Variants in TRAT1 observed in about 807,000 individuals in gnomAD.
TRAT1 encodes the protein T-cell receptor-associated transmembrane adapter 1.
In TRAT1, 20 loss-of-function variants were observed where a neutral mutation model predicts 20.0. The ratio of observed to expected loss-of-function variants is 1.00; its 90% CI spans 0.70 to 1.45. TRAT1 has a LOEUF of 1.45. TRAT1 is among the 40% of genes most tolerant of loss of function. The pLI is 0.00. For missense variants in TRAT1, 237 were observed against 224.1 expected, an observed-to-expected ratio of 1.06 and a Z score of -0.37; for synonymous variants, 77 against 74.2, an observed-to-expected ratio of 1.04 and a Z score of -0.20.
At chr3:108,845,205 G>A (rs890424078) in intron 3 of TRAT1, among the ~76,000 whole-genome samples, 1 of 152,120 alleles carries the variant, frequency 6.6e-6, no homozygotes, top group East Asian at 1.9e-4. Flanking sequence ...TTGTTTGTTA[G>A]GCAATTGCTC....
intron 5 of TRAT1, among the ~76,000 whole-genome samples, chr3:108,851,981 G>A (rs1439316668): frequency 6.6e-6 from 1 of 152,162 alleles, no homozygotes; most frequent in Non-Finnish European, 1.5e-5. Context: ...TATGGCAGTG[G>A]GAAGAAACTA....
intron 3 of TRAT1, among the ~76,000 whole-genome samples, chr3:108,841,968 C>T (rs539779283): frequency 6.6e-6 from 1 of 152,212 alleles, no homozygotes; most frequent in South Asian, 2.1e-4. Context: ...TTGGTTTTAT[C>T]ATATGAAGAA....
At chr3:108,846,415 T>C (rs1559824639) in intron 3 of TRAT1, among the ~76,000 whole-genome samples, 2 of 152,214 alleles carry the variant, frequency 1.3e-5, no homozygotes, top group Non-Finnish European at 2.9e-5. Context: ...AGAATACTAC[T>C]ACTTTTGGAG....
intron 3 of TRAT1, among the ~76,000 whole-genome samples, 196 bp from the exon 4 acceptor site, chr3:108,846,872 C>G (rs1945948843): frequency 6.6e-6 from 1 of 152,170 alleles, no homozygotes; most frequent in Non-Finnish European, 1.5e-5. Context: ...TTTTTAAATT[C>G]ACACGGAACA....
At chr3:108,839,163 G>A in intron 3 of TRAT1, 196 bp downstream of exon 3, 1 of 539,076 alleles carries the variant, frequency 1.9e-6, no homozygotes, top group Non-Finnish European at 3.3e-6. Flanking sequence ...TTTGCACACT[G>A]TGAGTCAACA....
chr3:108,823,147 C>T (rs2121760), intron 1 of TRAT1, among the ~76,000 whole-genome samples: 150,020 of 152,314 alleles, frequency 0.98, 73,916 homozygotes, highest in Middle Eastern at 1. Context: ...CATTTTAGAA[C>T]GTAAATCTAA....
At chr3:108,839,197 T>G (rs115606157) in intron 3 of TRAT1, 5,476 of 527,212 alleles carry the variant, frequency 0.01, 198 homozygotes, top group African/African-American at 0.084. Context: ...AAGGATAAAA[T>G]GAGATTCTAA....
chr3:108,853,748 T>C lies in TRAT1; in HGVS notation c.432T>C (p.Asp144=), dbSNP rs61756222. Residue 144 remains aspartate (D), a synonymous_variant, in exon 6 of 6, where the codon GAT becomes GAC. Coordinates refer to ENST00000295756, the MANE Select transcript of TRAT1 (RefSeq NM_016388.4). The part of the protein sequence containing the change: ...KDGDEQLHAI[D]ASVSKTTLVD... ...GAGATGAGCAACTACATGCAATAGA[T>C]GCCAGCGTTTCTAAGACCACCTTAG... 3,223 of 1,614,162 alleles carry C rather than the reference T, an allele frequency of 2.0e-3. 6 individuals carry two copies. The highest frequency in any genetic ancestry group is 3.3e-3 in the Admixed American group (200 of 60,008).
chr3:108,829,131 C>T (rs1198957829), intron 1 of TRAT1, among the ~76,000 whole-genome samples: 1 of 152,200 alleles, frequency 6.6e-6, no homozygotes, highest in Non-Finnish European at 1.5e-5. Context: ...TAAATGATTA[C>T]TGCATCCATT....
In TRAT1 at chr3:108,847,913, A is replaced by G. The variant is rs984963362; in HGVS notation, c.214+784A>G. 3.1e-4 allele frequency among the ~76,000 whole-genome samples: 47 copies of G among 152,238 alleles called. 1 individual carries two copies. Among genetic ancestry groups the G allele is most frequent in the Admixed American group, 1.0e-3 (16 of 15,282 alleles). On this transcript the variant is annotated intron_variant, in intron 4 of 5. Coordinates refer to ENST00000295756, the MANE Select transcript of TRAT1 (RefSeq NM_016388.4). ...CTAAAAATCTATATATTAAAACAGT[A>G]TGGAATCATCTTAAAGTTAGAAATG...
chr3:108,853,738 A>G lies in TRAT1; in HGVS notation c.422A>G (p.His141Arg). The change falls in exon 6 of 6, where the codon CAT (histidine) becomes CGT (arginine). Residue 141 changes from histidine to arginine, a missense_variant. By Grantham distance (29) the His-to-Arg change is conservative. Transcript: ENST00000295756. ...FSDKDGDEQL[H>R]AIDASVSKTT... ...GACAAGGATGGAGATGAGCAACTAC[A>G]TGCAATAGATGCCAGCGTTTCTAAG... The G allele has an allele frequency of 6.2e-7, 1 of 1,614,172 alleles. No homozygotes were observed. Among genetic ancestry groups the G allele is most frequent in the East Asian group, 2.2e-5 (1 of 44,880 alleles).
At position 108,822,862 on chromosome 3, in the gene TRAT1, TAGG is replaced by T; in HGVS notation, c.-61_-59del. 1 of 1,476,782 alleles carries T rather than the reference TAGG, an allele frequency of 6.8e-7. No individual in the cohort carries two copies. Among genetic ancestry groups the T allele is most frequent in the Non-Finnish European group, 9.4e-7 (1 of 1,060,978 alleles). 91.5% of individuals were successfully genotyped at this position (1,476,782 alleles called of 1,614,324 possible). The stretch of plus-strand genomic sequence containing the variant: ...CAACATCACCTAGGAAAAAAGTTTG[TAGG>T]AGGATTTTTAATCCATATATTTGTC... On this transcript the variant is annotated 5_prime_UTR_variant, in exon 1 of 6. Coordinates refer to ENST00000295756, the MANE Select transcript of TRAT1 (RefSeq NM_016388.4).
chr3:108,829,401 T>C (rs911518242), intron 1 of TRAT1, among the ~76,000 whole-genome samples: 4 of 152,050 alleles, frequency 2.6e-5, no homozygotes, highest in African/African-American at 9.7e-5. Flanking sequence ...CTGGCCAGCA[T>C]GGTGAAACCC....
At chr3:108,827,787 TAA>T (rs1945754965) in intron 1 of TRAT1, among the ~76,000 whole-genome samples, 1 of 152,128 alleles carries the variant, frequency 6.6e-6, no homozygotes, top group Non-Finnish European at 1.5e-5. Context: ...AAATTTACTC[TAA>T]CAGTAAACGA....
intron 2 of TRAT1, among the ~76,000 whole-genome samples, chr3:108,837,260 G>A (rs1223952159): frequency 6.6e-6 from 1 of 152,136 alleles, no homozygotes; most frequent in East Asian, 1.9e-4. Context: ...TGGACTAGAA[G>A]TATGTTTCTG....
chr3:108,844,720 T>G (rs1025000918), intron 3 of TRAT1, among the ~76,000 whole-genome samples: 1 of 150,708 alleles, frequency 6.6e-6, no homozygotes, highest in Non-Finnish European at 1.5e-5. Flanking sequence ...GGCGGGCGCC[T>G]GTAGTCCCAG....
chr3:108,835,895 GTATTTATTTATTTATT>G (rs67112821), intron 2 of TRAT1, among the ~76,000 whole-genome samples: 116,478 of 149,922 alleles, frequency 0.78, 46,625 homozygotes, highest in East Asian at 1. Context: ...TTGTTTGTTT[GTATTTATTTATTTATT>G]TATTTATTTA....
intron 2 of TRAT1, among the ~76,000 whole-genome samples, chr3:108,834,822 T>G (rs1362252904): frequency 6.6e-6 from 1 of 152,236 alleles, no homozygotes; most frequent in South Asian, 2.1e-4. Context: ...ATAGACCAGA[T>G]AAGCCTCCCC....
At chr3:108,852,757 A>G (rs911097286) in intron 5 of TRAT1, among the ~76,000 whole-genome samples, 1 of 152,244 alleles carries the variant, frequency 6.6e-6, no homozygotes, top group Admixed American at 6.5e-5. Context: ...TAACAACACT[A>G]TGATGATTTG....
Sources: gnomAD v4.1 joint callset for allele counts (sites outside exome capture counted in the v4.1 genomes callset) on GRCh38, gnomAD v4.1.1 for gene constraint, MANE v1.5 for transcripts, NCBI Gene and HGNC (gene_info 2026-07-23, HGNC 2026-07-21) for gene names.